ILDR2: variants seen among roughly 807,000 people sequenced by gnomAD.
The protein encoded by ILDR2 is immunoglobulin-like domain-containing receptor 2.
ILDR2 carries 25 observed loss-of-function variants against 66.8 expected under a neutral mutation model. The observed-to-expected ratio is 0.37, with a 90% CI of 0.27 to 0.52. ILDR2 has a LOEUF of 0.52. ILDR2 is among the 20% of genes least tolerant of loss of function. ILDR2 has a pLI of 0.88. For synonymous variants in ILDR2, 367 were observed against 357.2 expected, an observed-to-expected ratio of 1.03 and a Z score of -0.31; for missense variants, 827 against 876.8, an observed-to-expected ratio of 0.94 and a Z score of 0.72.
intron 3 of ILDR2, among the ~76,000 whole-genome samples, chr1:166,941,959 T>C (rs1448360246): frequency 6.6e-6 from 1 of 152,214 alleles, no homozygotes; most frequent in African/African-American, 2.4e-5. Context: ...TAGAGCATGT[T>C]ATATCGGAAA....
At chr1:166,944,908 C>G (rs1276221102) in intron 3 of ILDR2, among the ~76,000 whole-genome samples, 1 of 152,146 alleles carries the variant, frequency 6.6e-6, no homozygotes, top group African/African-American at 2.4e-5. Context: ...GGAAACCCCT[C>G]CAGAGCAGGG....
intron 2 of ILDR2, chr1:166,896,231 C>G (rs1028648065): frequency 6.6e-6 from 1 of 152,660 alleles, no homozygotes; most frequent in African/African-American, 2.4e-5. Context: ...TCAGCATGGA[C>G]AAAGGTGTAG....
intron 8 of ILDR2, 129 bp downstream of exon 8, chr1:166,922,464 G>A: frequency 1.4e-6 from 1 of 717,990 alleles, no homozygotes; most frequent in Non-Finnish European, 2.5e-6. Context: ...TAGAAAGAGA[G>A]ATGTGTCAGG....
chr1:166,958,200 T>C (rs1662396544), intron 1 of ILDR2, 99 bp from the exon 2 acceptor site: 11 of 966,418 alleles, frequency 1.1e-5, no homozygotes, highest in Non-Finnish European at 1.6e-5. Flanking sequence ...CTAACTTGTG[T>C]CCCCTCAACC....
chr1:166,912,277 TCAAGAA>T lies in ILDR2; in HGVS notation c.*7072_*7077del, dbSNP rs1016258849. The T allele has an allele frequency of 4.6e-5, 7 of 152,170 alleles. No homozygotes were observed. The highest frequency in any genetic ancestry group is 7.4e-5 in the Non-Finnish European group (5 of 68,008). 9.4% of individuals were successfully genotyped at this position (152,170 alleles called of 1,614,324 possible). A position where few individuals can be genotyped will look rare whatever the true frequency, so the allele number is the denominator to read the frequency against. On this transcript the variant is annotated 3_prime_UTR_variant, in exon 10 of 10. Transcript: ENST00000271417. ...GAATCATAATCAGTGAAATTATCTT[TCAAGAA>T]CAAGAATGAAATAAAGACTTTTACA...
intron 2 of ILDR2, 130 bp from the exon 3 acceptor site, chr1:166,956,982 T>TG: frequency 1.1e-6 from 1 of 887,810 alleles, no homozygotes; most frequent in Non-Finnish European, 1.7e-6. Context: ...ATCTGGATGG[T>TG]GGTTGAAAGA....
Position 166,909,872 on chromosome 1 carries a change from C to T in ILDR2, c.*9483G>A, listed in dbSNP as rs1179841264. 6.8e-6 allele frequency: 1 copy of T among 147,924 alleles called. No individual in the cohort carries two copies. The highest frequency in any genetic ancestry group is 1.5e-5 in the Non-Finnish European group (1 of 67,378). The allele number at this position is 147,924 out of a possible 1,614,324, so 9.2% of individuals were successfully genotyped here. On this transcript the variant is annotated 3_prime_UTR_variant, in exon 10 of 10. Coordinates refer to ENST00000271417, the MANE Select transcript of ILDR2 (RefSeq NM_199351.3). Reference sequence around the variant, plus strand: ...AAGAAAAAGAGCCAGAAAAAATCCACTGTGGCTATGCTTCTACACAAAATT... The same window carrying T: ...AAGAAAAAGAGCCAGAAAAAATCCATTGTGGCTATGCTTCTACACAAAATT...
chr1:166,916,032 C>T lies in ILDR2; in HGVS notation c.*3323G>A, dbSNP rs1659630521. 1 of 152,258 alleles carries T rather than the reference C, an allele frequency of 6.6e-6. No homozygotes were observed. Among genetic ancestry groups the T allele is most frequent in the Admixed American group, 6.5e-5 (1 of 15,278 alleles). 9.4% of individuals were successfully genotyped at this position (152,258 alleles called of 1,614,324 possible). On this transcript the variant is annotated 3_prime_UTR_variant, in exon 10 of 10. Transcript: ENST00000271417. Reference sequence around the variant, plus strand: ...GGTCCATGGCCATTGTCTCCAACTTCCTAATGAATCCATGCATGGCCTAGA... The same window carrying T: ...GGTCCATGGCCATTGTCTCCAACTTTCTAATGAATCCATGCATGGCCTAGA...
At chr1:166,928,428 G>T (rs917613001) in intron 6 of ILDR2, among the ~76,000 whole-genome samples, 5 of 152,216 alleles carry the variant, frequency 3.3e-5, no homozygotes, top group African/African-American at 7.2e-5. Flanking sequence ...AAAGCCCAGA[G>T]TAAGAACTGC....
At position 166,920,907 on chromosome 1, in the gene ILDR2, T is replaced by C. The variant is rs1659884976; in HGVS notation, c.1684A>G (p.Ser562Gly). Residue 562 changes from serine (S) to glycine (G), a missense_variant, in exon 9 of 10, where the codon AGC (serine) becomes GGC (glycine). Physicochemically the swap from Ser to Gly is moderately conservative, Grantham distance 56. Transcript: ENST00000271417. Reference protein sequence around the residue: ...SKRSAQLGPRSASYYAWSPPG... With the variant: ...SKRSAQLGPRGASYYAWSPPG... Reference sequence around the variant, plus strand: ...GGCGACCAAGCGTAGTAGGAGGCGCTGCGCGGGCCGAGCTGCGCGCTCCGC... The same window carrying C: ...GGCGACCAAGCGTAGTAGGAGGCGCCGCGCGGGCCGAGCTGCGCGCTCCGC... 3.4e-6 allele frequency: 5 copies of C among 1,476,774 alleles called. No homozygotes were observed. Among genetic ancestry groups the C allele is most frequent in the South Asian group, 2.6e-5 (2 of 77,318 alleles). The allele number at this position is 1,476,774 out of a possible 1,614,324, so 91.5% of individuals were successfully genotyped here.
intron 3 of ILDR2, among the ~76,000 whole-genome samples, chr1:166,955,360 AC>A (rs1662217195): frequency 1.3e-5 from 2 of 152,184 alleles, no homozygotes; most frequent in Non-Finnish European, 2.9e-5. Context: ...TAATCCCAGC[AC>A]TTTTGGGAGG....
rs1659458456 is a variant in ILDR2, at chr1:166,910,906, T to G, written c.*8449A>C. The G allele has an allele frequency of 6.6e-6, 1 of 152,180 alleles. No homozygotes were observed. The highest frequency in any genetic ancestry group is 2.4e-5 in the African/African-American group (1 of 41,438). 9.4% of individuals were successfully genotyped at this position (152,180 alleles called of 1,614,324 possible). ...ATGAGTCTAGTCCTTCCTTGCTGCT[T>G]CTTTTTTTTCTTGTCTTTTTAAATT... On this transcript the variant is annotated 3_prime_UTR_variant, in exon 10 of 10. Coordinates refer to ENST00000271417, the MANE Select transcript of ILDR2 (RefSeq NM_199351.3).
In ILDR2 at chr1:166,936,791, G is replaced by A. The variant is rs1661009685; in HGVS notation, c.557-54C>T. ...TCGAGGCAGCCCACCTCCAGGGCAG[G>A]GTGCACTTTGATTGGCATCTCCCGG... On this transcript the variant is annotated intron_variant, in intron 4 of 9. Transcript: ENST00000271417. The surrounding 1 kb of genome is among the most constrained non-coding windows in gnomAD (Gnocchi z 5.0). The A allele has an allele frequency of 1.9e-6, 3 of 1,583,182 alleles. No homozygotes were observed. The highest frequency in any genetic ancestry group is 2.6e-6 in the Non-Finnish European group (3 of 1,155,888).
chr1:166,959,251 C>A (rs576286506), intron 1 of ILDR2, among the ~76,000 whole-genome samples: 3 of 152,336 alleles, frequency 2.0e-5, no homozygotes, highest in South Asian at 2.1e-4. Context: ...GTACACCCAG[C>A]ATTTTCTTCT....
At chr1:166,961,956 G>A (rs1003700502) in intron 1 of ILDR2, among the ~76,000 whole-genome samples, 1 of 152,184 alleles carries the variant, frequency 6.6e-6, no homozygotes, top group African/African-American at 2.4e-5. Context: ...ATGCACACAT[G>A]CATACACATG....
Position 166,917,162 on chromosome 1 carries a change from G to A in ILDR2, c.*2193C>T, listed in dbSNP as rs1659674985. Reference sequence around the variant, plus strand: ...GTCTAAAACTCAGCACCAGGGTTATGGCTTGTGTCTTCCAGCCCTTGGAAG... The same window carrying A: ...GTCTAAAACTCAGCACCAGGGTTATAGCTTGTGTCTTCCAGCCCTTGGAAG... On this transcript the variant is annotated 3_prime_UTR_variant, in exon 10 of 10. Coordinates refer to ENST00000271417, the MANE Select transcript of ILDR2 (RefSeq NM_199351.3). 1 of 152,262 alleles carries A rather than the reference G, an allele frequency of 6.6e-6. No homozygotes were observed. The highest frequency in any genetic ancestry group is 2.1e-4 in the South Asian group (1 of 4,824). The allele number at this position is 152,262 out of a possible 1,614,324, so 9.4% of individuals were successfully genotyped here. A position where few individuals can be genotyped will look rare whatever the true frequency, so the allele number is the denominator to read the frequency against.
At chr1:166,928,768 C>T (rs551393451) in intron 6 of ILDR2, among the ~76,000 whole-genome samples, 1 of 152,244 alleles carries the variant, frequency 6.6e-6, no homozygotes, top group South Asian at 2.1e-4. Context: ...GCAGGTGCAC[C>T]GATTTTCTAT....
At chr1:166,935,214 A>G (rs1416797688) in intron 6 of ILDR2, 87 bp downstream of exon 6, 23 of 1,296,554 alleles carry the variant, frequency 1.8e-5, no homozygotes, top group African/African-American at 3.0e-5. Context: ...CCAAAGACAC[A>G]TCACTGAACT....
intron 3 of ILDR2, among the ~76,000 whole-genome samples, chr1:166,955,946 C>A (rs1057388340): frequency 3.3e-5 from 5 of 152,100 alleles, no homozygotes; most frequent in Non-Finnish European, 2.9e-5. Context: ...TACAATTATG[C>A]AGTTTCTTTT....
Sources: allele counts gnomAD v4.1 joint callset (sites outside exome capture counted in the v4.1 genomes callset), GRCh38; gene constraint gnomAD v4.1.1; non-coding constraint Gnocchi (gnomAD v3.1); transcripts MANE v1.5; gene names NCBI Gene and HGNC (gene_info 2026-07-23, HGNC 2026-07-21).